The following PRKCQ variants were observed in gnomAD, a reference collection of about 807,000 sequenced individuals.
PRKCQ encodes protein kinase C theta type.
In PRKCQ, 41 loss-of-function variants were observed where a neutral mutation model predicts 91.2. The observed-to-expected ratio is 0.45, with a 90% CI of 0.35 to 0.58. The LOEUF (loss-of-function observed/expected upper bound fraction) is 0.58. Ranked by LOEUF, PRKCQ falls within the 20% of genes least tolerant of loss-of-function variation. The pLI is 0.00. For missense variants in PRKCQ, 673 were observed against 896.5 expected, an observed-to-expected ratio of 0.75 and a Z score of 3.18; for synonymous variants, 307 against 316.9, an observed-to-expected ratio of 0.97 and a Z score of 0.33.
At chr10:6,458,076 T>G (rs1379484465) in intron 14 of PRKCQ, among the ~76,000 whole-genome samples, 1 of 152,208 alleles carries the variant, frequency 6.6e-6, no homozygotes, top group Admixed American at 6.5e-5. Flanking sequence ...CTTGACCACA[T>G]GTGTGCCATC....
At chr10:6,399,273 A>G in the PRKCQ span, among the ~76,000 whole-genome samples, 1 of 152,256 alleles carries the variant, frequency 6.6e-6, no homozygotes, top group Non-Finnish European at 1.5e-5. Context: ...TTTACTTACT[A>G]GATGGTATGT....
chr10:6,553,513 AAAAACAAACAAACAAAAG>A (rs1231833622), intron 1 of PRKCQ, among the ~76,000 whole-genome samples: 159 of 87,752 alleles, frequency 1.8e-3, no homozygotes, highest in African/African-American at 7.0e-3. Flanking sequence ...AAAAAAAAAA[AAAAACAAACAAACAAAAG>A]AAGAAGAAGA....
intron 1 of PRKCQ, among the ~76,000 whole-genome samples, chr10:6,574,961 C>T (rs899027372): frequency 1.4e-4 from 4 of 29,482 alleles, no homozygotes; most frequent in Non-Finnish European, 1.8e-3. Context: ...GTGTCCCCTA[C>T]TGAAACACAC....
downstream of PRKCQ, among the ~76,000 whole-genome samples, chr10:6,423,798 A>G (rs1004040179): frequency 6.6e-6 from 1 of 152,124 alleles, no homozygotes; most frequent in Non-Finnish European, 1.5e-5. Context: ...CTCTGTCTAA[A>G]ATTCTTCAGG....
chr10:6,559,986 T>A (rs1998940), intron 1 of PRKCQ, among the ~76,000 whole-genome samples: 2 of 152,058 alleles, frequency 1.3e-5, no homozygotes, highest in African/African-American at 2.4e-5. Flanking sequence ...ATTGTCTTTC[T>A]ACTCCAAAAA....
the PRKCQ span, among the ~76,000 whole-genome samples, chr10:6,418,963 CT>C: frequency 7.9e-5 from 4 of 50,424 alleles, no homozygotes; most frequent in Admixed American, 7.5e-4. Flanking sequence ...TAATATCTAT[CT>C]ATCTATCTAT....
At position 6,441,943 on chromosome 10, in the gene PRKCQ, G is replaced by T; in HGVS notation, c.1786C>A (p.Pro596Thr). ...TTCTCCAGCCACCGTGGGTAAAAGG[G>T]ATTGTCCATGCGGATGGAGTGGAAG... ...ELFHSIRMDN[P>T]FYPRWLEKEA... The change falls in exon 16 of 18, where the codon CCC becomes ACC. Residue 596 changes from proline to threonine, a missense_variant. Physicochemically the swap from Pro to Thr is conservative, Grantham distance 38 (BLOSUM62 -1). Coordinates refer to ENST00000263125, the MANE Select transcript of PRKCQ (RefSeq NM_006257.5). 6.2e-7 allele frequency: 1 copy of T among 1,613,832 alleles called. No individual in the cohort carries two copies. The highest frequency in any genetic ancestry group is 8.5e-7 in the Non-Finnish European group (1 of 1,179,782).
chr10:6,419,143 C>T, the PRKCQ span, among the ~76,000 whole-genome samples: 1 of 152,040 alleles, frequency 6.6e-6, no homozygotes, highest in African/African-American at 2.4e-5. Context: ...CATTTATCTC[C>T]TTTCTATATC....
At chr10:6,515,378 C>T in intron 1 of PRKCQ, 1 of 1,451,976 alleles carries the variant, frequency 6.9e-7, no homozygotes, top group Non-Finnish European at 9.0e-7. Context: ...TGCACTCAAC[C>T]TTGCTTTTGA....
intron 8 of PRKCQ, among the ~76,000 whole-genome samples, chr10:6,490,543 T>C (rs530601117): frequency 1.9e-4 from 25 of 132,382 alleles, no homozygotes; most frequent in African/African-American, 6.4e-4. Context: ...CTGGGCAACA[T>C]AGCAAGACCA....
chr10:6,454,726 G>A (rs79059351), intron 15 of PRKCQ, among the ~76,000 whole-genome samples: 3 of 152,244 alleles, frequency 2.0e-5, no homozygotes, highest in East Asian at 3.9e-4. Context: ...GAAAGTGGAC[G>A]TAGTGTCTGC....
intron 1 of PRKCQ, among the ~76,000 whole-genome samples, chr10:6,559,502 G>C (rs1000592772): frequency 6.6e-6 from 1 of 152,098 alleles, no homozygotes; most frequent in African/African-American, 2.4e-5. Flanking sequence ...GGGACTACAG[G>C]CATCCACCAC....
At chr10:6,418,950 ATCT>A in the PRKCQ span, among the ~76,000 whole-genome samples, 2 of 146,476 alleles carry the variant, frequency 1.4e-5, no homozygotes, top group South Asian at 2.2e-4. Flanking sequence ...TATCTATCTT[ATCT>A]AATATCTATC....
At chr10:6,569,862 A>G (rs916938468) in intron 1 of PRKCQ, among the ~76,000 whole-genome samples, 1 of 152,164 alleles carries the variant, frequency 6.6e-6, no homozygotes, top group Non-Finnish European at 1.5e-5. Flanking sequence ...GGCATGAGGC[A>G]TTAGACGTGC....
intron 14 of PRKCQ, among the ~76,000 whole-genome samples, 141 bp downstream of exon 14, chr10:6,462,146 TCATCATCCATGTAATC>T (rs1323534269): frequency 6.6e-6 from 1 of 152,200 alleles, no homozygotes; most frequent in Non-Finnish European, 1.5e-5. Context: ...TGGTTGTAAG[TCATCATCCATGTAATC>T]ATTGTGGGCA....
intron 1 of PRKCQ, among the ~76,000 whole-genome samples, chr10:6,521,785 G>A (rs1348821305): frequency 1.3e-5 from 2 of 152,034 alleles, no homozygotes; most frequent in African/African-American, 4.8e-5. Context: ...ACCCTCTGAT[G>A]TCCTCATCTG....
intron 1 of PRKCQ, among the ~76,000 whole-genome samples, chr10:6,544,071 A>G (rs1219416402): frequency 6.6e-6 from 1 of 152,208 alleles, no homozygotes; most frequent in African/African-American, 2.4e-5. Context: ...CATGTATCTT[A>G]CTATGGTACC....
chr10:6,574,835 T>C (rs974889652), intron 1 of PRKCQ, among the ~76,000 whole-genome samples: 1 of 152,136 alleles, frequency 6.6e-6, no homozygotes, highest in Non-Finnish European at 1.5e-5. Context: ...ACAAACACTG[T>C]TCCTACCTCC....
At chr10:6,484,182 G>A (rs930120080) in intron 10 of PRKCQ, among the ~76,000 whole-genome samples, 17 of 152,192 alleles carry the variant, frequency 1.1e-4, no homozygotes, top group African/African-American at 3.6e-4. Flanking sequence ...GGGAGGCCGA[G>A]GTGGGCGGAT....
Sources: allele counts gnomAD v4.1 joint callset (sites outside exome capture counted in the v4.1 genomes callset), GRCh38; gene constraint gnomAD v4.1.1; transcripts MANE v1.5; gene names NCBI Gene and HGNC (gene_info 2026-07-23, HGNC 2026-07-21).